DPP10: variants seen among roughly 807,000 people sequenced by gnomAD.
DPP10 encodes the protein dipeptidyl peptidase like 10.
DPP10 carries 33 observed loss-of-function variants against 120.9 expected under a neutral mutation model. The observed-to-expected ratio is 0.27, with a 90% CI of 0.21 to 0.37. DPP10 has a LOEUF of 0.37. Ranked by LOEUF, DPP10 falls within the 10% of genes least tolerant of loss-of-function variation. DPP10 has a pLI of 1.00. For synonymous variants in DPP10, 337 were observed against 326.1 expected (o/e 1.03, Z -0.36); for missense variants, 816 against 942.8 (o/e 0.87, Z 1.76).
chr2:114,690,927 G>A (rs1699699575), intron 1 of DPP10, among the ~76,000 whole-genome samples: 1 of 152,026 alleles, frequency 6.6e-6, no homozygotes, highest in African/African-American at 2.4e-5. Context: ...TGTATCCTGA[G>A]ACTTTGCTGA....
At chr2:115,233,212 AGTGTGTGT>A (rs72071460) in intron 1 of DPP10, among the ~76,000 whole-genome samples, 54 of 148,842 alleles carry the variant, frequency 3.6e-4, no homozygotes, top group Non-Finnish European at 6.0e-5. Flanking sequence ...AGGTATATTG[AGTGTGTGT>A]GTGTGTGTGT....
chr2:115,468,360 A>G (rs2074465124), intron 3 of DPP10: 1 of 510,408 alleles, frequency 2.0e-6, no homozygotes, highest in Non-Finnish European at 3.9e-6. Context: ...TGGCTGCTTC[A>G]CTCTTGGGAT....
At chr2:114,704,067 A>T (rs1371565580) in intron 1 of DPP10, among the ~76,000 whole-genome samples, 1 of 152,144 alleles carries the variant, frequency 6.6e-6, no homozygotes, top group Non-Finnish European at 1.5e-5. Context: ...CATCAGGGCA[A>T]CAGGGCAAGG....
chr2:115,318,981 G>A (rs887026965), intron 2 of DPP10, among the ~76,000 whole-genome samples: 5 of 152,044 alleles, frequency 3.3e-5, no homozygotes, highest in African/African-American at 4.8e-5. Flanking sequence ...GGATATTCTC[G>A]TCTTATTCCA....
At chr2:115,075,602 A>G (rs1014206707) in intron 1 of DPP10, among the ~76,000 whole-genome samples, 1 of 152,138 alleles carries the variant, frequency 6.6e-6, no homozygotes, top group African/African-American at 2.4e-5. Context: ...TTAATTAGAG[A>G]TTTTAAATAT....
At chr2:115,106,965 C>T (rs1190990526) in intron 1 of DPP10, among the ~76,000 whole-genome samples, 1 of 151,712 alleles carries the variant, frequency 6.6e-6, no homozygotes, top group Non-Finnish European at 1.5e-5. Flanking sequence ...GTCCCAGCTA[C>T]TCGGGAGACT....
intron 1 of DPP10, among the ~76,000 whole-genome samples, chr2:114,548,136 G>T (rs1373463536): frequency 6.6e-6 from 1 of 152,114 alleles, no homozygotes; most frequent in African/African-American, 2.4e-5. Context: ...GATTACATAA[G>T]ATGAAATAAG....
At chr2:114,803,945 T>A (rs187850873) in intron 1 of DPP10, among the ~76,000 whole-genome samples, 194 of 152,276 alleles carry the variant, frequency 1.3e-3, no homozygotes, top group Middle Eastern at 6.8e-3. Context: ...ATGTCAGAGA[T>A]CTTCACAGCA....
At chr2:114,635,857 G>GT (rs1289318232) in intron 1 of DPP10, among the ~76,000 whole-genome samples, 3 of 151,886 alleles carry the variant, frequency 2.0e-5, no homozygotes, top group Non-Finnish European at 4.4e-5. Context: ...AAGTAGCATA[G>GT]TTTTTTAAAA....
chr2:114,525,468 A>C (rs1685423802), intron 1 of DPP10, among the ~76,000 whole-genome samples: 1 of 152,308 alleles, frequency 6.6e-6, no homozygotes. Flanking sequence ...GCTACATAAA[A>C]AGCATGGAGC....
At chr2:115,611,471 T>C (rs1351927345) in intron 5 of DPP10, among the ~76,000 whole-genome samples, 1 of 152,174 alleles carries the variant, frequency 6.6e-6, no homozygotes, top group Non-Finnish European at 1.5e-5. Context: ...GCCTTGTTTA[T>C]GTAAGAATTT....
chr2:115,714,509 T>A (rs1364489073), intron 7 of DPP10, among the ~76,000 whole-genome samples: 1 of 152,122 alleles, frequency 6.6e-6, no homozygotes, highest in Admixed American at 6.5e-5. Flanking sequence ...TAAGAAAGTG[T>A]CTCCCTCTTA....
At chr2:115,818,639 A>C (rs1296256215) in intron 21 of DPP10, among the ~76,000 whole-genome samples, 1 of 152,192 alleles carries the variant, frequency 6.6e-6, no homozygotes, top group East Asian at 1.9e-4. Flanking sequence ...GAAATGAAGT[A>C]GTTGACTGTT....
intron 3 of DPP10, among the ~76,000 whole-genome samples, chr2:115,411,060 T>C (rs2068918213): frequency 6.6e-6 from 1 of 152,196 alleles, no homozygotes; most frequent in South Asian, 2.1e-4. Context: ...CTGGGCGCAG[T>C]AGCTCATGCC....
intron 2 of DPP10, among the ~76,000 whole-genome samples, chr2:115,333,576 C>T (rs1413232687): frequency 6.6e-6 from 1 of 152,080 alleles, no homozygotes; most frequent in Non-Finnish European, 1.5e-5. Flanking sequence ...TGTTCCTTTC[C>T]ATGTTTAGTG....
intron 7 of DPP10, among the ~76,000 whole-genome samples, chr2:115,697,644 T>G (rs1344193826): frequency 6.6e-6 from 1 of 151,886 alleles, no homozygotes; most frequent in African/African-American, 2.4e-5. Flanking sequence ...CTCTCAATAA[T>G]GGCTAGAAAA....
intron 1 of DPP10, among the ~76,000 whole-genome samples, chr2:114,959,235 A>C (rs868566605): frequency 6.6e-6 from 1 of 152,176 alleles, no homozygotes; most frequent in Non-Finnish European, 1.5e-5. Flanking sequence ...TAAAGTGTAC[A>C]ATTCACTAGT....
rs372049349 is a variant in DPP10 at position 115,439,540 on chromosome 2, C to T, written c.272-59970C>T. Among the ~76,000 whole-genome samples the T allele has an allele frequency of 3.3e-5, 5 of 152,024 alleles. No individual in the cohort carries two copies. In the East Asian group the frequency reaches 9.7e-4, roughly 29 times the overall value. ...TCTTGACAAACGTAACCACAGAAAA[C>T]AACTTACAAAATAGAATTTCAGAAA... On this transcript the variant is annotated intron_variant, in intron 3 of 25. Transcript: ENST00000410059.
At chr2:114,723,045 A>G (rs1317481391) in intron 1 of DPP10, among the ~76,000 whole-genome samples, 1 of 152,164 alleles carries the variant, frequency 6.6e-6, no homozygotes, top group African/African-American at 2.4e-5. Context: ...CTCCGTGCAC[A>G]TTCATGAGAT....
Sources: gnomAD v4.1 joint callset for allele counts (sites outside exome capture counted in the v4.1 genomes callset) on GRCh38, gnomAD v4.1.1 for gene constraint, MANE v1.5 for transcripts, NCBI Gene and HGNC (gene_info 2026-07-23, HGNC 2026-07-21) for gene names.